WARS2: variants seen among roughly 807,000 people sequenced by gnomAD.
WARS2 encodes tryptophan--tRNA ligase, mitochondrial.
Under a neutral mutation model 36.5 loss-of-function variants are expected in WARS2, and 28 were observed. The observed-to-expected ratio is 0.77, with a 90% CI of 0.57 to 1.05. The LOEUF is 1.05. WARS2 is among the 50% of genes least tolerant of loss of function. The pLI is 0.00. For synonymous variants in WARS2, 174 were observed against 178.4 expected, an observed-to-expected ratio of 0.98 and a Z score of 0.20; for missense variants, 435 against 456.8, an observed-to-expected ratio of 0.95 and a Z score of 0.44.
chr1:119,083,190 T>C (rs973669223), intron 1 of WARS2, among the ~76,000 whole-genome samples: 3 of 151,958 alleles, frequency 2.0e-5, no homozygotes, highest in African/African-American at 4.8e-5. Context: ...GATAGCGCCA[T>C]TGCACTCCAG....
intron 1 of WARS2, among the ~76,000 whole-genome samples, chr1:119,083,460 ACCCAGTCTG>A (rs1267292936): frequency 6.6e-6 from 1 of 152,142 alleles, no homozygotes; most frequent in Non-Finnish European, 1.5e-5. Flanking sequence ...TTCATAAATT[ACCCAGTCTG>A]TAGTATTTTG....
intron 1 of WARS2, among the ~76,000 whole-genome samples, chr1:119,104,882 G>C (rs1654126593): frequency 6.6e-6 from 1 of 152,066 alleles, no homozygotes; most frequent in African/African-American, 2.4e-5. Context: ...CAGTGAGGGA[G>C]CAGATCATAC....
At chr1:119,100,854 T>A (rs1429793372) in intron 1 of WARS2, among the ~76,000 whole-genome samples, 1 of 152,166 alleles carries the variant, frequency 6.6e-6, no homozygotes, top group Non-Finnish European at 1.5e-5. Context: ...CCCAGGTTGG[T>A]CTCGAACTCC....
chr1:119,138,382 T>C (rs1304827670), intron 1 of WARS2, among the ~76,000 whole-genome samples: 1 of 152,162 alleles, frequency 6.6e-6, no homozygotes, highest in African/African-American at 2.4e-5. Flanking sequence ...AATCCTAAAA[T>C]ATCACAAATG....
At chr1:119,126,258 A>G (rs1177997906) in intron 1 of WARS2, among the ~76,000 whole-genome samples, 1 of 86,344 alleles carries the variant, frequency 1.2e-5, no homozygotes, top group Non-Finnish European at 2.3e-5. Context: ...TTAATAGCTG[A>G]GCAGTTTTGA....
chr1:119,096,470 T>A (rs587660370), intron 1 of WARS2, among the ~76,000 whole-genome samples: 9 of 152,254 alleles, frequency 5.9e-5, no homozygotes, highest in African/African-American at 2.2e-4. Flanking sequence ...TTTTATATAT[T>A]TTATATCTTT....
chr1:119,055,513 G>C (rs543957270), intron 2 of WARS2, among the ~76,000 whole-genome samples: 2 of 152,022 alleles, frequency 1.3e-5, no homozygotes, highest in African/African-American at 4.8e-5. Flanking sequence ...ATGATGGTGC[G>C]CACCTATAGT....
At chr1:119,112,323 G>A (rs1654697642) in intron 1 of WARS2, among the ~76,000 whole-genome samples, 1 of 152,190 alleles carries the variant, frequency 6.6e-6, no homozygotes, top group African/African-American at 2.4e-5. Context: ...ATGAAAGGTG[G>A]CAGAGAAGCA....
intron 1 of WARS2, among the ~76,000 whole-genome samples, chr1:119,131,468 T>TG (rs1390255727): frequency 2.0e-5 from 3 of 149,452 alleles, no homozygotes; most frequent in Non-Finnish European, 4.4e-5. Context: ...GTTTTTTGTT[T>TG]TTTTTTTTTT....
intron 4 of WARS2, among the ~76,000 whole-genome samples, chr1:119,036,630 C>T (rs935701558): frequency 2.6e-5 from 4 of 152,192 alleles, no homozygotes; most frequent in Non-Finnish European, 4.4e-5. Context: ...ACACTTTAAG[C>T]ACATCAAAAT....
Position 119,078,879 on chromosome 1 carries a change from T to C in WARS2, c.91-2272A>G, listed in dbSNP as rs959620241. On this transcript the variant is annotated intron_variant, in intron 1 of 5. Transcript: ENST00000235521. Reference sequence around the variant, plus strand: ...TCATAGAAGAAATCTTTCAATACCCTGCAGTTATGAAGGTGCACGTGTGTG... The same window carrying C: ...TCATAGAAGAAATCTTTCAATACCCCGCAGTTATGAAGGTGCACGTGTGTG... Among the ~76,000 whole-genome samples the C allele has an allele frequency of 9.9e-5, 15 of 152,098 alleles. No individual in the cohort carries two copies. In the East Asian group the frequency reaches 2.9e-3, roughly 29 times the overall value.
intron 1 of WARS2, among the ~76,000 whole-genome samples, chr1:119,110,755 C>T (rs1192600103): frequency 6.6e-6 from 1 of 152,026 alleles, no homozygotes; most frequent in Non-Finnish European, 1.5e-5. Context: ...TCTTTTTCTT[C>T]TCCATCAAAT....
At chr1:119,082,549 AG>A in intron 1 of WARS2, 12 of 647,176 alleles carry the variant, frequency 1.9e-5, no homozygotes, top group Non-Finnish European at 2.3e-5. Context: ...TCTGGATCTG[AG>A]CTCTTGCCAC....
At chr1:119,034,980 G>C (rs947702107) in intron 4 of WARS2, among the ~76,000 whole-genome samples, 1 of 152,156 alleles carries the variant, frequency 6.6e-6, no homozygotes, top group African/African-American at 2.4e-5. Context: ...AAGGTGGAAA[G>C]GAAATAGATC....
rs1473233092 is a variant in WARS2 at position 119,103,717 on chromosome 1, CTTCAT to C, written c.91-27115_91-27111del. ...AAGGTAAAAAATTTGTTCTTCCTTC[CTTCAT>C]ATTACCCCTAAATAAAGCCATCAAA... On this transcript the variant is annotated intron_variant, in intron 1 of 5. Transcript: ENST00000235521. Among the ~76,000 whole-genome samples the C allele has an allele frequency of 3.3e-5, 5 of 151,496 alleles. No individual in the cohort carries two copies. The East Asian group carries it at 7.7e-4, about 23-fold the overall frequency.
chr1:119,094,230 AG>A (rs1653257778), intron 1 of WARS2, among the ~76,000 whole-genome samples: 1 of 152,192 alleles, frequency 6.6e-6, no homozygotes, highest in African/African-American at 2.4e-5. Flanking sequence ...GTAATCTCTC[AG>A]AAAAATGTAA....
At chr1:119,038,089 A>G (rs535090840) in intron 4 of WARS2, among the ~76,000 whole-genome samples, 1 of 152,206 alleles carries the variant, frequency 6.6e-6, no homozygotes, top group Admixed American at 6.5e-5. Flanking sequence ...TCTCAGCACC[A>G]TTCTCTCCCT....
intron 1 of WARS2, chr1:119,085,441 C>T (rs914561632): frequency 2.0e-6 from 3 of 1,506,068 alleles, no homozygotes; most frequent in African/African-American, 1.4e-5. Flanking sequence ...ACCTCCCAGT[C>T]AGTTGTCTCT....
At chr1:119,100,362 T>G (rs1269308910) in intron 1 of WARS2, among the ~76,000 whole-genome samples, 1 of 152,172 alleles carries the variant, frequency 6.6e-6, no homozygotes, top group Non-Finnish European at 1.5e-5. Context: ...CTAGTACAGC[T>G]TCTATGGAAA....
Sources: gnomAD v4.1 joint callset for allele counts (sites outside exome capture counted in the v4.1 genomes callset) on GRCh38, gnomAD v4.1.1 for gene constraint, MANE v1.5 for transcripts, NCBI Gene and HGNC (gene_info 2026-07-23, HGNC 2026-07-21) for gene names.